DPF3: variants seen among roughly 807,000 people sequenced by gnomAD.
The protein encoded by DPF3 is zinc finger protein DPF3.
In DPF3, 18 loss-of-function variants were observed where a neutral mutation model predicts 56.8. The ratio of observed to expected loss-of-function variants is 0.32; its 90% confidence interval spans 0.22 to 0.47. DPF3 has a LOEUF of 0.47. Ranked by LOEUF, DPF3 falls within the 20% of genes least tolerant of loss-of-function variation. DPF3 has a pLI of 1.00. For missense variants in DPF3, 403 were observed against 488.8 expected (o/e 0.82, Z 1.65); for synonymous variants, 188 against 180.2 (o/e 1.04, Z -0.35).
chr14:72,723,222 T>A (rs1889256834), intron 5 of DPF3, among the ~76,000 whole-genome samples: 1 of 151,824 alleles, frequency 6.6e-6, no homozygotes, highest in Non-Finnish European at 1.5e-5. Context: ...GTGTGTGATG[T>A]TCCCCTTCCT....
At chr14:72,700,582 G>T (rs1288840359) in intron 6 of DPF3, among the ~76,000 whole-genome samples, 1 of 152,210 alleles carries the variant, frequency 6.6e-6, no homozygotes, top group Non-Finnish European at 1.5e-5. Context: ...GTGATTAGCT[G>T]CTCAGTAGTC....
intron 1 of DPF3, among the ~76,000 whole-genome samples, chr14:72,838,849 A>G (rs1884416167): frequency 7.0e-6 from 1 of 142,538 alleles, no homozygotes; most frequent in South Asian, 2.2e-4. Context: ...TTTCCAGTAT[A>G]TGGTATGTCT....
intron 2 of DPF3, among the ~76,000 whole-genome samples, chr14:72,767,342 T>C (rs577612062): frequency 3.7e-4 from 57 of 152,274 alleles, no homozygotes; most frequent in African/African-American, 1.3e-3. Flanking sequence ...ACAAAAATGT[T>C]AGAATTATCT....
At chr14:72,879,719 A>T in intron 1 of DPF3, 1 of 1,435,828 alleles carries the variant, frequency 7.0e-7, no homozygotes, top group Non-Finnish European at 9.2e-7. Flanking sequence ...GGAATGTGTG[A>T]CAAGAGTCGT....
chr14:72,776,496 T>C (rs1891749313), intron 1 of DPF3, among the ~76,000 whole-genome samples: 1 of 152,118 alleles, frequency 6.6e-6, no homozygotes, highest in Admixed American at 6.5e-5. Context: ...CTTGAGCCTA[T>C]CTGTGGAGAT....
chr14:72,837,967 C>T (rs1280583284), intron 1 of DPF3, among the ~76,000 whole-genome samples: 1 of 152,162 alleles, frequency 6.6e-6, no homozygotes, highest in African/African-American at 2.4e-5. Flanking sequence ...AAGCTTTTTC[C>T]TCATTCTGTC....
intron 8 of DPF3, among the ~76,000 whole-genome samples, chr14:72,651,304 C>A (rs1422900688): frequency 6.6e-6 from 1 of 152,218 alleles, no homozygotes; most frequent in Non-Finnish European, 1.5e-5. Context: ...CCTCAGCCAG[C>A]GACTGACCCC....
chr14:72,767,194 A>T (rs1409028740), intron 2 of DPF3, among the ~76,000 whole-genome samples: 1 of 152,256 alleles, frequency 6.6e-6, no homozygotes, highest in Non-Finnish European at 1.5e-5. Context: ...GAGACCTGCT[A>T]ATATAGAAGA....
chr14:72,654,635 C>T (rs932817692), intron 8 of DPF3, among the ~76,000 whole-genome samples: 13 of 152,124 alleles, frequency 8.5e-5, no homozygotes, highest in Non-Finnish European at 1.5e-4. Context: ...CTGTAAAATA[C>T]GAATTGTAAT....
chr14:72,727,835 C>T (rs555055846), intron 4 of DPF3, among the ~76,000 whole-genome samples: 33 of 152,296 alleles, frequency 2.2e-4, no homozygotes, highest in African/African-American at 7.7e-4. Flanking sequence ...AATGAAAAAG[C>T]ATAATCCATT....
At chr14:72,794,903 C>G (rs1599447801) in intron 1 of DPF3, among the ~76,000 whole-genome samples, 1 of 152,076 alleles carries the variant, frequency 6.6e-6, no homozygotes, top group African/African-American at 2.4e-5. Flanking sequence ...GCCTCTTCCT[C>G]CCATGTGTCA....
chr14:72,805,063 C>CACACACACACACACACACACACACAA (rs1567238868), intron 1 of DPF3, among the ~76,000 whole-genome samples: 3 of 151,474 alleles, frequency 2.0e-5, no homozygotes, highest in Non-Finnish European at 4.4e-5. Context: ...CACACACACA[C>CACACACACACACACACACACACACAA]ACACAAACAC....
Position 72,777,310 on chromosome 14 carries a change from C to T in DPF3, c.33-5417G>A, listed in dbSNP as rs879241264. Among the ~76,000 whole-genome samples the T allele has an allele frequency of 3.9e-5, 6 of 152,212 alleles. No homozygotes were observed. The South Asian group carries it at 1.0e-3, about 26-fold the overall frequency. The stretch of plus-strand genomic sequence containing the variant: ...AACTCAAACTGTTCATGGAAAGCTC[C>T]GTCTCCCATTTAGTCTTTTAGAATA... On this transcript the variant is annotated intron_variant, in intron 1 of 10. Coordinates refer to ENST00000556509, the MANE Select transcript of DPF3 (RefSeq NM_001280542.3).
intron 1 of DPF3, among the ~76,000 whole-genome samples, chr14:72,820,086 A>G (rs1883466411): frequency 6.6e-6 from 1 of 152,250 alleles, no homozygotes. Context: ...TTGTGGTTAC[A>G]TGGGTATACA....
chr14:72,820,302 G>A lies in DPF3; in HGVS notation c.33-48409C>T, dbSNP rs536849489. On this transcript the variant is annotated intron_variant, in intron 1 of 10. Coordinates refer to ENST00000556509, the MANE Select transcript of DPF3 (RefSeq NM_001280542.3). Reference sequence around the variant, plus strand: ...AGCATTAAGACCTCAACAGGCAAATGGCCAAAAGACACAGAAAAGCCACAA... The same window carrying A: ...AGCATTAAGACCTCAACAGGCAAATAGCCAAAAGACACAGAAAAGCCACAA... Among the ~76,000 whole-genome samples, 62 of 152,132 alleles carry A rather than the reference G, an allele frequency of 4.1e-4. 2 individuals are homozygous for A. In the South Asian group the frequency reaches 0.011, roughly 27 times the overall value.
chr14:72,835,090 T>G (rs989816484), intron 1 of DPF3, among the ~76,000 whole-genome samples: 2 of 93,608 alleles, frequency 2.1e-5, no homozygotes, highest in Admixed American at 1.1e-4. Flanking sequence ...GCAGAATTTC[T>G]TTTTTCTTTT....
chr14:72,760,154 A>G (rs1056849063), intron 2 of DPF3, among the ~76,000 whole-genome samples: 1 of 152,248 alleles, frequency 6.6e-6, no homozygotes, highest in African/African-American at 2.4e-5. Context: ...TAAACTCATT[A>G]AAAGATGATC....
chr14:72,725,441 G>A (rs1450618969), intron 4 of DPF3, among the ~76,000 whole-genome samples: 1 of 151,940 alleles, frequency 6.6e-6, no homozygotes, highest in Non-Finnish European at 1.5e-5. Context: ...GGGGAGGGAG[G>A]GAAAAGGTTC....
chr14:72,832,633 A>G (rs959730541), intron 1 of DPF3, among the ~76,000 whole-genome samples: 13 of 152,236 alleles, frequency 8.5e-5, no homozygotes, highest in Admixed American at 3.3e-4. Flanking sequence ...AGGGGACTTT[A>G]TCACCTTTGC....
Sources: gnomAD v4.1 joint callset for allele counts (sites outside exome capture counted in the v4.1 genomes callset) on GRCh38, gnomAD v4.1.1 for gene constraint, MANE v1.5 for transcripts, NCBI Gene and HGNC (gene_info 2026-07-23, HGNC 2026-07-21) for gene names.